Variants in RYR3 observed in about 807,000 individuals in gnomAD.
The protein encoded by RYR3 is brain ryanodine receptor-calcium release channel.
In RYR3, 207 loss-of-function variants were observed where a neutral mutation model predicts 584.3. The observed-to-expected ratio is 0.35, with a 90% CI of 0.32 to 0.40. The LOEUF (loss-of-function observed/expected upper bound fraction) is 0.40. RYR3 is among the 10% of genes least tolerant of loss of function. The probability of loss-of-function intolerance (pLI) is 1.00; values close to 1 mark genes in which losing one functional copy is unlikely to be tolerated. For missense variants in RYR3, 5,616 were observed against 6,089.2 expected (o/e 0.92, Z 2.59); for synonymous variants, 2,416 against 2,248.5 (o/e 1.07, Z -2.11).
chr15:33,341,256 C>A (rs556796440), intron 1 of RYR3, among the ~76,000 whole-genome samples: 1 of 152,210 alleles, frequency 6.6e-6, no homozygotes, highest in African/African-American at 2.4e-5. Flanking sequence ...CCAGGCTGAT[C>A]TCGAACCTCT....
intron 1 of RYR3, among the ~76,000 whole-genome samples, chr15:33,373,692 A>G (rs540784049): frequency 6.6e-6 from 1 of 152,212 alleles, no homozygotes; most frequent in Non-Finnish European, 1.5e-5. Flanking sequence ...GATGTGTTTT[A>G]AATTGTATGT....
intron 44 of RYR3, among the ~76,000 whole-genome samples, chr15:33,723,759 C>G (rs534912327): frequency 3.5e-4 from 54 of 152,332 alleles, no homozygotes; most frequent in Non-Finnish European, 6.6e-4. Context: ...TTCCATGTAT[C>G]TTCCCCTCAC....
At chr15:33,477,614 G>A (rs1264450553) in intron 2 of RYR3, among the ~76,000 whole-genome samples, 2 of 147,872 alleles carry the variant, frequency 1.4e-5, no homozygotes, top group Admixed American at 6.7e-5. Flanking sequence ...GGTGGCTCAC[G>A]CCTGTAATCC....
chr15:33,613,198 C>G lies in RYR3; in HGVS notation c.2180C>G (p.Ala727Gly). 1 of 1,613,570 alleles carries G rather than the reference C, an allele frequency of 6.2e-7. No individual in the cohort carries two copies. ...TCCTCACCAGGCCGGATACCCAGAG[C>G]TGTGGCTTCCATCAACCAGCACCTC... Reference protein sequence around the residue: ...LHLWSGRIPRAVASINQHLLR... With the variant: ...LHLWSGRIPRGVASINQHLLR... The change falls in exon 19 of 104, where the codon GCT becomes GGT. Residue 727 changes from alanine (A) to glycine (G), a missense_variant. Physicochemically the swap from Ala to Gly is moderately conservative, Grantham distance 60. Transcript: ENST00000634891.
intron 1 of RYR3, among the ~76,000 whole-genome samples, chr15:33,408,667 T>C (rs1445042028): frequency 6.6e-6 from 1 of 152,200 alleles, no homozygotes; most frequent in East Asian, 1.9e-4. Flanking sequence ...ATCGGTTTTT[T>C]TGACTTTTTA....
At chr15:33,584,274 T>G in intron 14 of RYR3, 121 bp from the exon 15 acceptor site, 3 of 587,454 alleles carry the variant, frequency 5.1e-6, no homozygotes, top group South Asian at 2.2e-5. Context: ...CTAGATAGGG[T>G]GAGATTGGCA....
chr15:33,789,086 C>T (rs537909612), intron 67 of RYR3, among the ~76,000 whole-genome samples: 89 of 152,016 alleles, frequency 5.9e-4, no homozygotes, highest in African/African-American at 1.9e-3. Context: ...GAAGAGGAAA[C>T]GTCTGGTGCA....
At chr15:33,664,572 T>C (rs1199577711) in intron 36 of RYR3, among the ~76,000 whole-genome samples, 1 of 100,270 alleles carries the variant, frequency 1.0e-5, no homozygotes, top group Non-Finnish European at 2.1e-5. Flanking sequence ...TATATATAGA[T>C]ATATGTGTGT....
At chr15:33,705,603 A>G (rs1478768823) in intron 42 of RYR3, among the ~76,000 whole-genome samples, 1 of 152,272 alleles carries the variant, frequency 6.6e-6, no homozygotes, top group Non-Finnish European at 1.5e-5. Context: ...AAAGTAGAAC[A>G]GAATCTAAAA....
intron 2 of RYR3, among the ~76,000 whole-genome samples, chr15:33,489,595 A>T (rs1199289709): frequency 1.3e-5 from 1 of 77,544 alleles, no homozygotes; most frequent in Non-Finnish European, 2.4e-5. Flanking sequence ...CATTTTCTTT[A>T]TCCAATCTGC....
chr15:33,847,618 C>A (rs2078810769), intron 93 of RYR3: 2 of 152,212 alleles, frequency 1.3e-5, no homozygotes, highest in Admixed American at 6.6e-5. Flanking sequence ...TTCTGTGTTC[C>A]CCTTTGGCAG....
In RYR3 at chr15:33,412,029, T is replaced by C. The variant is rs555083331; in HGVS notation, c.52-61390T>C. On this transcript the variant is annotated intron_variant, in intron 1 of 103. Coordinates refer to ENST00000634891, the MANE Select transcript of RYR3 (RefSeq NM_001036.6). The surrounding 1 kb of genome is among the most constrained non-coding windows in gnomAD (Gnocchi z 4.3). ...AAATCTCATATTACTGTGAAGGTAA[T>C]ATCCAACTTAGGTTCCCAGTGTGTC... Among the ~76,000 whole-genome samples, 2 of 152,332 alleles carry C rather than the reference T, an allele frequency of 1.3e-5. No individual in the cohort carries two copies. Among genetic ancestry groups the C allele is most frequent in the Middle Eastern group, 6.8e-3 (2 of 294 alleles).
chr15:33,552,548 A>T (rs1248217212), intron 10 of RYR3, among the ~76,000 whole-genome samples: 1 of 152,106 alleles, frequency 6.6e-6, no homozygotes, highest in African/African-American at 2.4e-5. Flanking sequence ...TATGCTAGAG[A>T]TTTTAAATAA....
intron 1 of RYR3, among the ~76,000 whole-genome samples, chr15:33,446,290 C>T (rs951000829): frequency 7.9e-5 from 12 of 152,198 alleles, no homozygotes; most frequent in African/African-American, 2.7e-4. Context: ...GCTCTTCCCT[C>T]TCAGATAAGG....
chr15:33,604,458 C>T (rs1443085030), intron 18 of RYR3, among the ~76,000 whole-genome samples: 1 of 152,112 alleles, frequency 6.6e-6, no homozygotes, highest in Non-Finnish European at 1.5e-5. Flanking sequence ...ATTTTAGGAG[C>T]CATGTTGCAT....
intron 49 of RYR3, 90 bp from the exon 50 acceptor site, chr15:33,738,360 C>A: frequency 7.6e-7 from 1 of 1,321,446 alleles, no homozygotes; most frequent in Non-Finnish European, 1.0e-6. Context: ...ATGGTCTCTG[C>A]TTACTACTTG....
At chr15:33,546,874 A>G (rs568592973) in intron 8 of RYR3, among the ~76,000 whole-genome samples, 1 of 152,334 alleles carries the variant, frequency 6.6e-6, no homozygotes, top group Admixed American at 6.5e-5. Flanking sequence ...CATCTAAATC[A>G]GGATTCCTCT....
chr15:33,854,961 A>G (rs753258274), intron 98 of RYR3, 49 bp downstream of exon 98: 2 of 1,519,840 alleles, frequency 1.3e-6, no homozygotes, highest in Non-Finnish European at 1.8e-6. Flanking sequence ...TATGCACAGG[A>G]AAAAAAGAAC....
At chr15:33,411,419 T>C (rs997226356) in intron 1 of RYR3, among the ~76,000 whole-genome samples, 16 of 152,192 alleles carry the variant, frequency 1.1e-4, no homozygotes, top group Non-Finnish European at 5.9e-5. Flanking sequence ...CAAACAAATC[T>C]ATACGTTCTT....
Sources: allele counts gnomAD v4.1 joint callset (sites outside exome capture counted in the v4.1 genomes callset), GRCh38; gene constraint gnomAD v4.1.1; non-coding constraint Gnocchi (gnomAD v3.1); transcripts MANE v1.5; gene names NCBI Gene and HGNC (gene_info 2026-07-23, HGNC 2026-07-21).